CRELD2: variants seen among roughly 807,000 people sequenced by gnomAD.
The protein encoded by CRELD2 is CRELD disulfide isomerase 2.
Under a neutral mutation model 48.1 loss-of-function variants are expected in CRELD2, and 33 were observed. The observed-to-expected ratio is 0.69, with a 90% confidence interval of 0.52 to 0.92. The LOEUF (loss-of-function observed/expected upper bound fraction) is 0.92. Among genes scored for constraint, CRELD2 ranks in the 40% least tolerant of loss-of-function variants. The pLI is 0.00. For synonymous variants in CRELD2, 220 were observed against 203.9 expected, an observed-to-expected ratio of 1.08 and a Z score of -0.67; for missense variants, 477 against 482.4, an observed-to-expected ratio of 0.99 and a Z score of 0.10.
intron 1 of CRELD2, 76 bp downstream of exon 1, chr22:49,918,974 T>TTGGGCCCAGGGTCGCCCTCACCC (rs2060644919): frequency 4.8e-6 from 6 of 1,240,098 alleles, no homozygotes; most frequent in Non-Finnish European, 6.4e-6. Context: ...TCGCCCCACC[T>TTGGGCCCAGGGTCGCCCTCACCC]TGGGCCCAGG....
chr22:49,920,251 C>T lies in CRELD2; in HGVS notation c.415+4C>T, dbSNP rs183002505. 221 of 1,594,740 alleles carry T rather than the reference C, an allele frequency of 1.4e-4. No homozygotes were observed. In the East Asian group the frequency reaches 3.5e-3, roughly 25 times the overall value. ...ACCTACGGTCCCGACTGTCTCGGTG[C>T]GTTTCTCCTCAGGGAAATCCCATCT... On this transcript the variant is annotated splice_donor_region_variant and intron_variant, in intron 4 of 9. Transcript: ENST00000328268.
At chr22:49,919,958 C>T in intron 3 of CRELD2, 118 bp downstream of exon 3, 6 of 850,080 alleles carry the variant, frequency 7.1e-6, no homozygotes, top group Non-Finnish European at 1.1e-5. Flanking sequence ...CTCGCACCCA[C>T]CTTACCCCTG....
At chr22:49,925,594 C>G in intron 9 of CRELD2, 37 bp downstream of exon 9, 1 of 1,610,552 alleles carries the variant, frequency 6.2e-7, no homozygotes, top group Non-Finnish European at 8.5e-7. Context: ...AGGCTGCCCT[C>G]CCCTGGGCCG....
chr22:49,924,165 G>A (rs776554890), intron 7 of CRELD2, 195 bp from the exon 8 acceptor site: 12 of 506,914 alleles, frequency 2.4e-5, no homozygotes, highest in East Asian at 3.3e-5. Context: ...ATGGCTCTCC[G>A]GGAGCACCTG....
chr22:49,925,697 A>G (rs773997493), intron 9 of CRELD2, 140 bp downstream of exon 9: 101 of 1,492,990 alleles, frequency 6.8e-5, no homozygotes, highest in Non-Finnish European at 8.4e-5. Flanking sequence ...AGACAGGTGC[A>G]TGACATCTCT....
At chr22:49,925,617 G>T in intron 9 of CRELD2, 60 bp downstream of exon 9, 1 of 1,601,352 alleles carries the variant, frequency 6.2e-7, no homozygotes, top group Non-Finnish European at 8.5e-7. Flanking sequence ...GGGCTTGCAC[G>T]TAGACTGGCT....
rs7410765 is a variant in CRELD2, at chr22:49,922,276, G to A, written c.593-336G>A. 19 of 1,450,986 alleles carry A rather than the reference G, an allele frequency of 1.3e-5. 1 individual carries two copies. Among genetic ancestry groups the A allele is most frequent in the East Asian group, 5.2e-5 (2 of 38,506 alleles). The allele number at this position is 1,450,986 out of a possible 1,614,324, so 89.9% of individuals were successfully genotyped here. A position where few individuals can be genotyped will look rare whatever the true frequency, so the allele number is the denominator to read the frequency against. On this transcript the variant is annotated intron_variant, in intron 5 of 9. Coordinates refer to ENST00000328268, the MANE Select transcript of CRELD2 (RefSeq NM_024324.5). The stretch of plus-strand genomic sequence containing the variant: ...ATCGATAGTCAGGACCGGCCTCTCC[G>A]ATTCTTACGCCCCTCAGCAGTCAGG...
chr22:49,921,914 A>G (rs2060692260), intron 5 of CRELD2, 153 bp downstream of exon 5: 2 of 756,006 alleles, frequency 2.6e-6, no homozygotes, highest in South Asian at 3.7e-5. Flanking sequence ...GAATGAAAAC[A>G]TCAGAGGATA....
chr22:49,922,260 C>G (rs1569184853), intron 5 of CRELD2: 1 of 1,420,122 alleles, frequency 7.0e-7, no homozygotes, highest in Non-Finnish European at 9.5e-7. Flanking sequence ...GATCGATAGT[C>G]AGGACCGGCC....
At position 49,922,294 on chromosome 22, in the gene CRELD2, C is replaced by T. The variant is rs371945800; in HGVS notation, c.593-318C>T. The T allele has an allele frequency of 8.5e-6, 10 of 1,176,530 alleles. No individual in the cohort carries two copies. In the African/African-American group the frequency reaches 2.9e-4, roughly 34 times the overall value. The allele number at this position is 1,176,530 out of a possible 1,614,324, so 72.9% of individuals were successfully genotyped here. A position where few individuals can be genotyped will look rare whatever the true frequency, so the allele number is the denominator to read the frequency against. On this transcript the variant is annotated intron_variant, in intron 5 of 9. Transcript: ENST00000328268. ...CCTCTCCGATTCTTACGCCCCTCAG[C>T]AGTCAGGACCGGCCTCTCCGATTCT...
intron 5 of CRELD2, 64 bp downstream of exon 5, chr22:49,921,825 C>G: frequency 6.6e-7 from 1 of 1,525,824 alleles, no homozygotes; most frequent in Non-Finnish European, 8.9e-7. Flanking sequence ...CTTGCTGGAG[C>G]TGCCTGCCTA....
chr22:49,922,871 G>GGTA (rs2060712519), intron 6 of CRELD2, among the ~76,000 whole-genome samples, 164 bp downstream of exon 6: 1 of 71,962 alleles, frequency 1.4e-5, no homozygotes, highest in African/African-American at 1.0e-4. Context: ...TTGGGGTGTG[G>GGTA]GGGGCGTGAG....
In CRELD2 at chr22:49,927,396, C is replaced by G; in HGVS notation, c.*89C>G. On this transcript the variant is annotated 3_prime_UTR_variant, in exon 10 of 10. Transcript: ENST00000328268. ...TGCCGTCTCCTGCAGTGGACAGCGG[C>G]GGGGAGAGGCTGCCTGCTCTCTAAC... 9.8e-7 allele frequency: 1 copy of G among 1,017,850 alleles called. No individual in the cohort carries two copies. Among genetic ancestry groups the G allele is most frequent in the South Asian group, 1.3e-5 (1 of 77,702 alleles). 63.1% of individuals were successfully genotyped at this position (1,017,850 alleles called of 1,614,324 possible).
At chr22:49,923,169 C>A in intron 6 of CRELD2, 65 bp from the exon 7 acceptor site, 1 of 1,312,070 alleles carries the variant, frequency 7.6e-7, no homozygotes, top group South Asian at 1.5e-5. Context: ...AGGCCATGAT[C>A]GGTCCTTCCC....
At chr22:49,923,070 C>T (rs2060717954) in intron 6 of CRELD2, 164 bp from the exon 7 acceptor site, 2 of 609,180 alleles carry the variant, frequency 3.3e-6, no homozygotes, top group Admixed American at 3.1e-5. Flanking sequence ...CCGCGTGGGG[C>T]CTCCGAGGAT....
rs952377373 is a variant in CRELD2 at position 49,919,231 on chromosome 22, G to A, written c.131G>A (p.Gly44Glu). ...ACTATGGGCACTGTCTCCTCGCAGGGGATGGTGGACACCGCAAAGAAGAAC... is the reference window on the plus strand; with the variant it reads ...ACTATGGGCACTGTCTCCTCGCAGGAGATGGTGGACACCGCAAAGAAGAAC... ...CRGLVDKFNQ[G>E]MVDTAKKNFG... Residue 44 changes from glycine (G) to glutamate (E), a missense_variant and splice_region_variant, in exon 2 of 10, where the codon GGG becomes GAG. Transcript: ENST00000328268. 1.2e-6 allele frequency: 2 copies of A among 1,613,702 alleles called. No homozygotes were observed. The highest frequency in any genetic ancestry group is 1.7e-6 in the Non-Finnish European group (2 of 1,179,972).
chr22:49,920,356 G>A (rs2060672111), intron 4 of CRELD2, 109 bp downstream of exon 4: 2 of 755,600 alleles, frequency 2.6e-6, no homozygotes, highest in African/African-American at 1.7e-5. Context: ...TCAGCTTTCT[G>A]TAGGGTCTGG....
chr22:49,925,146 A>AT, intron 8 of CRELD2: 5 of 268,710 alleles, frequency 1.9e-5, no homozygotes, highest in East Asian at 7.7e-5. Flanking sequence ...AAAAAAAAAA[A>AT]GGAAAAGAAA....
Position 49,918,806 on chromosome 22 carries a change from C to T in CRELD2, c.37C>T (p.Pro13Ser), listed in dbSNP as rs139081265. Reference sequence around the variant, plus strand: ...GCGCCGGGCCGCGCTGGGGCTCCTGCCGCTTCTGCTGCTGCTGCCGCCCGC... The same window carrying T: ...GCGCCGGGCCGCGCTGGGGCTCCTGTCGCTTCTGCTGCTGCTGCCGCCCGC... ...LPRRAALGLL[P>S]LLLLLPPAPE... Residue 13 changes from proline to serine, a missense_variant, in exon 1 of 10, where the codon CCG becomes TCG. Transcript: ENST00000328268. The T allele has an allele frequency of 1.6e-3, 2,094 of 1,330,328 alleles. 37 individuals carry two copies. The African/African-American group carries it at 0.03, about 19-fold the overall frequency. The allele number at this position is 1,330,328 out of a possible 1,614,324, so 82.4% of individuals were successfully genotyped here.
Sources: allele counts gnomAD v4.1 joint callset (sites outside exome capture counted in the v4.1 genomes callset), GRCh38; gene constraint gnomAD v4.1.1; transcripts MANE v1.5; gene names NCBI Gene and HGNC (gene_info 2026-07-23, HGNC 2026-07-21).